ATP2A3: variants seen among roughly 807,000 people sequenced by gnomAD.
The protein encoded by ATP2A3 is sarcoplasmic/endoplasmic reticulum calcium ATPase 3.
In ATP2A3, 61 loss-of-function variants were observed where a neutral mutation model predicts 106.8. That is an observed-to-expected ratio of 0.57 (90% CI 0.46 to 0.71). ATP2A3 has a LOEUF of 0.71. ATP2A3 is among the 30% of genes least tolerant of loss of function. ATP2A3 has a pLI of 0.00. For synonymous variants in ATP2A3, 611 were observed against 609.3 expected, an observed-to-expected ratio of 1.00 and a Z score of -0.04; for missense variants, 1,201 against 1,423.5, an observed-to-expected ratio of 0.84 and a Z score of 2.52.
Position 3,953,425 on chromosome 17 carries a change from C to A in ATP2A3, c.141G>T (p.Lys47Asn). 6.2e-7 allele frequency: 1 copy of A among 1,613,962 alleles called. No homozygotes were observed. The highest frequency in any genetic ancestry group is 1.1e-5 in the South Asian group (1 of 91,086). ...GTTCCAGCACCAGCTCCCACAGGGA[C>A]TTCCCTGGGAACGGGGGTCATGTGT... Reference protein sequence around the residue: ...GPNELPSEEGKSLWELVLEQF... With the variant: ...GPNELPSEEGNSLWELVLEQF... The change falls in exon 3 of 21, where the codon AAG becomes AAT. Residue 47 changes from lysine to asparagine, a missense_variant. Physicochemically the swap from Lys to Asn is moderately conservative, Grantham distance 94. Around this residue, in one of 2 missense-constraint regions of ATP2A3, gnomAD observed 266 missense variants for 246.8 expected, o/e 1.08. Transcript: ENST00000397041. The surrounding 1 kb of genome is among the most constrained non-coding windows in gnomAD (Gnocchi z 5.1).
intron 20 of ATP2A3, chr17:3,927,741 C>G: frequency 1.0e-6 from 1 of 982,560 alleles, no homozygotes; most frequent in Non-Finnish European, 1.2e-6. Flanking sequence ...CTACATGTGT[C>G]TGGCCACTCC....
chr17:3,937,097 C>T (rs921207930), intron 15 of ATP2A3: 5 of 436,474 alleles, frequency 1.1e-5, no homozygotes, highest in African/African-American at 6.0e-5. Flanking sequence ...GACACACACA[C>T]GACTGCCTAA....
chr17:3,959,322 C>A (rs958213196), intron 1 of ATP2A3, among the ~76,000 whole-genome samples: 1 of 152,194 alleles, frequency 6.6e-6, no homozygotes, highest in Non-Finnish European at 1.5e-5. Context: ...TCGCTGTGCC[C>A]TTCTCTGACC....
Position 3,937,647 on chromosome 17 carries a change from G to A in ATP2A3, c.2101-11C>T. 6.2e-7 allele frequency: 1 copy of A among 1,612,580 alleles called. No individual in the cohort carries two copies. Among genetic ancestry groups the A allele is most frequent in the Non-Finnish European group, 8.5e-7 (1 of 1,179,434 alleles). ...CACTCCATCGCCAGTCTGTGGGCCA[G>A]GTCAGGTAGGGCTGTGCCTGAGAAA... On this transcript the variant is annotated splice_polypyrimidine_tract_variant and intron_variant, in intron 14 of 20. Coordinates refer to ENST00000397041, the MANE Select transcript of ATP2A3 (RefSeq NM_005173.4).
At chr17:3,927,080 A>G (rs2052750850) in intron 20 of ATP2A3, 5 of 985,206 alleles carry the variant, frequency 5.1e-6, no homozygotes, top group Non-Finnish European at 6.0e-6. Context: ...ACCAGGTTCA[A>G]TCCTGTTCTT....
Position 3,928,643 on chromosome 17 carries a change from G to A in ATP2A3, c.2980+20C>T. 1 of 1,541,540 alleles carries A rather than the reference G, an allele frequency of 6.5e-7. No homozygotes were observed. Among genetic ancestry groups the A allele is most frequent in the Non-Finnish European group, 8.8e-7 (1 of 1,138,852 alleles). Reference sequence around the variant, plus strand: ...CGGGCGGGGAGGCAGGCTGGAGGCGGGACGGGGCCTCCCACTCACCGTGCA... The same window carrying A: ...CGGGCGGGGAGGCAGGCTGGAGGCGAGACGGGGCCTCCCACTCACCGTGCA... On this transcript the variant is annotated intron_variant, in intron 20 of 20. Coordinates refer to ENST00000397041, the MANE Select transcript of ATP2A3 (RefSeq NM_005173.4). This position sits in a 1 kb window ranked among gnomAD's most constrained non-coding sequence, Gnocchi z 6.1.
At chr17:3,938,504 G>A (rs1304341863) in intron 14 of ATP2A3, among the ~76,000 whole-genome samples, 1 of 152,074 alleles carries the variant, frequency 6.6e-6, no homozygotes, top group African/African-American at 2.4e-5. Context: ...CAGTGTCAAG[G>A]TCAACGTTGA....
At chr17:3,933,767 G>A (rs71368155) in intron 17 of ATP2A3, among the ~76,000 whole-genome samples, 4,813 of 151,368 alleles carry the variant, frequency 0.032, 119 homozygotes, top group Non-Finnish European at 0.05. Context: ...CAGTGCGTCG[G>A]GCTGGAGCTT....
In ATP2A3 at chr17:3,924,486, C is replaced by T. The variant is rs535699504; in HGVS notation, c.*936G>A. 70 of 280,558 alleles carry T rather than the reference C, an allele frequency of 2.5e-4. 1 individual carries two copies. The highest frequency in any genetic ancestry group is 2.0e-3 in the South Asian group (67 of 33,012). 17.4% of individuals were successfully genotyped at this position (280,558 alleles called of 1,614,324 possible). ...GGAAGCCCACCAGGCTCAGAGGCCCCCAGCTGTGCAGACAGCGCGGCGGCC... is the reference window on the plus strand; with the variant it reads ...GGAAGCCCACCAGGCTCAGAGGCCCTCAGCTGTGCAGACAGCGCGGCGGCC... On this transcript the variant is annotated 3_prime_UTR_variant, in exon 21 of 21. Coordinates refer to ENST00000397041, the MANE Select transcript of ATP2A3 (RefSeq NM_005173.4). This position sits in a 1 kb window ranked among gnomAD's most constrained non-coding sequence, Gnocchi z 6.4.
chr17:3,938,097 G>A (rs950743944), intron 14 of ATP2A3, among the ~76,000 whole-genome samples: 4 of 152,198 alleles, frequency 2.6e-5, no homozygotes, highest in African/African-American at 7.2e-5. Context: ...CACATGAGGA[G>A]TGAAGTCAAG....
rs534288562 is a variant in ATP2A3, at chr17:3,945,071, G to A, written c.1173C>T (p.Pro391=). The change falls in exon 9 of 21, where the codon CCC becomes CCT. Residue 391 remains proline (P), a synonymous_variant. Transcript: ENST00000397041. ...EFTISGTTYT[P]EGEVRQGDQP... ...GGCCCCGCACTCACACTTCGCCCTC[G>A]GGGGTATACGTGGTACCCGAGATGG... is the stretch of plus-strand genomic sequence containing the variant. 21 of 1,544,228 alleles carry A rather than the reference G, an allele frequency of 1.4e-5. No homozygotes were observed. Among genetic ancestry groups the A allele is most frequent in the Admixed American group, 5.9e-5 (3 of 50,798 alleles).
At chr17:3,960,979 C>A (rs1002346820) in intron 1 of ATP2A3, among the ~76,000 whole-genome samples, 2 of 152,226 alleles carry the variant, frequency 1.3e-5, no homozygotes, top group Admixed American at 6.5e-5. Context: ...CAGAGAAAAG[C>A]CGCACGCCGA....
intron 14 of ATP2A3, among the ~76,000 whole-genome samples, chr17:3,940,422 C>T (rs1049477949): frequency 6.6e-6 from 1 of 152,104 alleles, no homozygotes; most frequent in Non-Finnish European, 1.5e-5. Flanking sequence ...GCTGCATGGA[C>T]AGGTATGTGA....
chr17:3,964,082 C>T (rs1037588411), intron 1 of ATP2A3, 92 bp downstream of exon 1: 164 of 694,496 alleles, frequency 2.4e-4, no homozygotes, highest in Non-Finnish European at 2.8e-4. Context: ...GCTTCCTGCC[C>T]GCCCAGAGCC....
At chr17:3,946,964 G>C (rs766618170) in intron 8 of ATP2A3, among the ~76,000 whole-genome samples, 1 of 152,212 alleles carries the variant, frequency 6.6e-6, no homozygotes. Flanking sequence ...CCAGGTTACC[G>C]GAGCTGGCTT....
chr17:3,927,584 A>G, intron 20 of ATP2A3: 1 of 985,402 alleles, frequency 1.0e-6, no homozygotes, highest in Non-Finnish European at 1.2e-6. Context: ...GGGAGTTTCC[A>G]GTGTCTCCCC....
chr17:3,935,909 G>A (rs939135966), intron 16 of ATP2A3, among the ~76,000 whole-genome samples: 1 of 152,138 alleles, frequency 6.6e-6, no homozygotes, highest in African/African-American at 2.4e-5. Flanking sequence ...ACAAGTGTGA[G>A]CCACCATGCC....
chr17:3,944,263 G>A (rs377495612), intron 10 of ATP2A3, among the ~76,000 whole-genome samples: 14 of 152,202 alleles, frequency 9.2e-5, no homozygotes, highest in African/African-American at 2.7e-4. Context: ...ACTGCCCTCA[G>A]CTTGGCCTCG....
intron 7 of ATP2A3, among the ~76,000 whole-genome samples, chr17:3,950,159 A>T (rs957927288): frequency 7.9e-5 from 11 of 139,262 alleles, no homozygotes; most frequent in African/African-American, 2.6e-4. Context: ...CAGAAAAAAA[A>T]ATATTTTTTT....
Sources: gnomAD v4.1 joint callset for allele counts (sites outside exome capture counted in the v4.1 genomes callset) on GRCh38, gnomAD v4.1.1 for gene constraint, gnomAD v4.1.1 regional missense constraint, Gnocchi (gnomAD v3.1) non-coding constraint, MANE v1.5 for transcripts, NCBI Gene and HGNC (gene_info 2026-07-23, HGNC 2026-07-21) for gene names.